The following TIMM44 variants were observed in gnomAD, a reference collection of about 807,000 sequenced individuals.
TIMM44 encodes the protein translocase of inner mitochondrial membrane 44, also known as mitochondrial import inner membrane translocase subunit TIM44.
TIMM44 carries 37 observed loss-of-function variants against 63.8 expected under a neutral mutation model. The ratio of observed to expected loss-of-function variants is 0.58; its 90% CI spans 0.45 to 0.76. TIMM44 has a LOEUF of 0.76. TIMM44 is among the 30% of genes least tolerant of loss of function. The pLI, the probability that TIMM44 is intolerant of heterozygous loss-of-function variation, is 0.00. For synonymous variants in TIMM44, 239 were observed against 245.1 expected, an observed-to-expected ratio of 0.98 and a Z score of 0.23; for missense variants, 573 against 603.8, an observed-to-expected ratio of 0.95 and a Z score of 0.54.
intron 12 of TIMM44, 31 bp downstream of exon 12, chr19:7,927,626 T>C (rs777309071): frequency 2.5e-6 from 4 of 1,591,190 alleles, no homozygotes; most frequent in Admixed American, 3.3e-5. Context: ...GGCGGTGTCA[T>C]GTGCCTGCCC....
At chr19:7,928,235 GC>G in intron 10 of TIMM44, 69 bp from the exon 11 acceptor site, 1 of 1,362,192 alleles carries the variant, frequency 7.3e-7, no homozygotes, top group Non-Finnish European at 1.0e-6. Context: ...CAGAGCTGCT[GC>G]CCACACACCC....
At chr19:7,930,323 TTTG>T (rs1983944336) in intron 10 of TIMM44, among the ~76,000 whole-genome samples, 1 of 146,096 alleles carries the variant, frequency 6.8e-6, no homozygotes. Context: ...TTTTTTTTTT[TTTG>T]GAGACAGAAT....
Position 7,933,458 on chromosome 19 carries a change from C to A in TIMM44, c.769+27G>T. ...CCACCAACTGCCCGGGACACAGTCA[C>A]CTGCCCTCCAAGACACCTTCACTCA... is the stretch of plus-strand genomic sequence containing the variant. On this transcript the variant is annotated intron_variant, in intron 7 of 12. Coordinates refer to ENST00000270538, the MANE Select transcript of TIMM44 (RefSeq NM_006351.4). This position sits in a 1 kb window ranked among gnomAD's most constrained non-coding sequence, Gnocchi z 4.3. 6.2e-7 allele frequency: 1 copy of A among 1,605,698 alleles called. No individual in the cohort carries two copies. Among genetic ancestry groups the A allele is most frequent in the Non-Finnish European group, 8.5e-7 (1 of 1,172,288 alleles).
rs762492405 is a variant in TIMM44 at position 7,927,658 on chromosome 19, G to A, written c.1238C>T (p.Pro413Leu). The A allele has an allele frequency of 6.8e-6, 11 of 1,612,976 alleles. No individual in the cohort carries two copies. The highest frequency in any genetic ancestry group is 5.0e-5 in the Admixed American group (3 of 59,998). Residue 413 changes from proline to leucine, a missense_variant and splice_region_variant, in exon 12 of 13, where the codon CCG (proline) becomes CTG (leucine). Coordinates refer to ENST00000270538, the MANE Select transcript of TIMM44 (RefSeq NM_006351.4). ...GCCCCATCCCACTCCCTCACTCACC[G>A]GGTCACCCTCCACCACCTCGCCTTT... ...NPKGEVVEGD[P>L]DKVLRMLYVW...
chr19:7,932,595 C>G, intron 9 of TIMM44, 32 bp downstream of exon 9: 1 of 1,610,712 alleles, frequency 6.2e-7, no homozygotes, highest in Non-Finnish European at 8.5e-7. Flanking sequence ...GGACCTGCCG[C>G]CTGGGAGGGG....
rs947818529 is a variant in TIMM44 at position 7,927,088 on chromosome 19, G to A, written c.*99C>T. Reference sequence around the variant, plus strand: ...CCTGGCAGAGCTGGGGGCAGAGCCCGCAGTCTTGTTCCCAGAGGTCTGGAG... The same window carrying A: ...CCTGGCAGAGCTGGGGGCAGAGCCCACAGTCTTGTTCCCAGAGGTCTGGAG... On this transcript the variant is annotated 3_prime_UTR_variant, in exon 13 of 13. Transcript: ENST00000270538. 8 of 1,490,336 alleles carry A rather than the reference G, an allele frequency of 5.4e-6. No individual in the cohort carries two copies. In the African/African-American group the frequency reaches 5.6e-5, roughly 10 times the overall value. The allele number at this position is 1,490,336 out of a possible 1,614,324, so 92.3% of individuals were successfully genotyped here.
intron 12 of TIMM44, 79 bp downstream of exon 12, chr19:7,927,578 G>C: frequency 1.4e-6 from 2 of 1,402,992 alleles, no homozygotes; most frequent in Middle Eastern, 1.8e-4. Flanking sequence ...TCTGAGCTGG[G>C]GTCTCTGCCA....
At chr19:7,927,808 G>A in intron 11 of TIMM44, 41 bp from the exon 12 acceptor site, 1 of 1,577,564 alleles carries the variant, frequency 6.3e-7, no homozygotes, top group Non-Finnish European at 8.7e-7. Flanking sequence ...TCAGAGGACA[G>A]CCCGGCTGCT....
Position 7,933,647 on chromosome 19 carries a change from G to T in TIMM44, c.684-77C>A. 7.2e-7 allele frequency: 1 copy of T among 1,394,582 alleles called. No homozygotes were observed. Among genetic ancestry groups the T allele is most frequent in the Non-Finnish European group, 1.0e-6 (1 of 981,624 alleles). 86.4% of individuals were successfully genotyped at this position (1,394,582 alleles called of 1,614,324 possible). A position where few individuals can be genotyped will look rare whatever the true frequency, so the allele number is the denominator to read the frequency against. The stretch of plus-strand genomic sequence containing the variant: ...TGCCCTCCTGCGGCTGCAGGCAGGG[G>T]GCAGTACAGGACAGCAGGCAGCTGA... On this transcript the variant is annotated intron_variant, in intron 6 of 12. Transcript: ENST00000270538. The surrounding 1 kb of genome is among the most constrained non-coding windows in gnomAD (Gnocchi z 4.3).
At chr19:7,937,456 C>T (rs912742990) in intron 3 of TIMM44, among the ~76,000 whole-genome samples, 1 of 152,178 alleles carries the variant, frequency 6.6e-6, no homozygotes, top group Non-Finnish European at 1.5e-5. Context: ...AGCCTCTGCA[C>T]TGCTCATCCA....
chr19:7,941,498 G>A (rs975630071), intron 1 of TIMM44, among the ~76,000 whole-genome samples: 3 of 151,930 alleles, frequency 2.0e-5, no homozygotes, highest in African/African-American at 7.3e-5. Flanking sequence ...ATGTTGGCCA[G>A]GCTGGTCTCG....
Position 7,927,650 on chromosome 19 carries a change from C to A in TIMM44, c.1239+7G>T, listed in dbSNP as rs1983851734. 6.2e-7 allele frequency: 1 copy of A among 1,612,736 alleles called. No individual in the cohort carries two copies. Among genetic ancestry groups the A allele is most frequent in the Non-Finnish European group, 8.5e-7 (1 of 1,179,638 alleles). ...ATGTGCCTGCCCCATCCCACTCCCT[C>A]ACTCACCGGGTCACCCTCCACCACC... On this transcript the variant is annotated splice_region_variant and intron_variant, in intron 12 of 12. Transcript: ENST00000270538.
At chr19:7,927,566 G>T in intron 12 of TIMM44, 91 bp downstream of exon 12, 2 of 1,336,854 alleles carry the variant, frequency 1.5e-6, no homozygotes, top group South Asian at 2.3e-5. Flanking sequence ...GAGCTTCAGG[G>T]CTCTGAGCTG....
Position 7,927,365 on chromosome 19 carries a change from G to C in TIMM44, c.1240-59C>G, listed in dbSNP as rs907651377. Reference sequence around the variant, plus strand: ...GGGTTGAGGTGACCCAGGCAGCTCTGGGGGGGGGCCAGGCTCTGTGGGGCA... The same window carrying C: ...GGGTTGAGGTGACCCAGGCAGCTCTCGGGGGGGGCCAGGCTCTGTGGGGCA... On this transcript the variant is annotated intron_variant, in intron 12 of 12. Coordinates refer to ENST00000270538, the MANE Select transcript of TIMM44 (RefSeq NM_006351.4). 34 of 844,356 alleles carry C rather than the reference G, an allele frequency of 4.0e-5. No individual in the cohort carries two copies. In the African/African-American group the frequency reaches 4.2e-4, roughly 10 times the overall value. 52.3% of individuals were successfully genotyped at this position (844,356 alleles called of 1,614,324 possible).
At chr19:7,927,953 A>T in intron 11 of TIMM44, 124 bp downstream of exon 11, 1 of 1,154,128 alleles carries the variant, frequency 8.7e-7, no homozygotes, top group South Asian at 1.3e-5. Context: ...CCCCTTGGAC[A>T]AGCCCAAGAC....
intron 12 of TIMM44, 67 bp from the exon 13 acceptor site, chr19:7,927,373 GC>G (rs1983844957): frequency 5.9e-6 from 9 of 1,529,270 alleles, no homozygotes; most frequent in Non-Finnish European, 4.5e-6. Flanking sequence ...CTGGGGGGGG[GC>G]CAGGCTCTGT....
intron 3 of TIMM44, among the ~76,000 whole-genome samples, chr19:7,936,078 TG>T (rs1431595643): frequency 1.3e-5 from 2 of 151,974 alleles, no homozygotes; most frequent in East Asian, 3.8e-4. Context: ...CACCTGAACA[TG>T]GGAAGGTCAA....
chr19:7,934,448 C>T lies in TIMM44; in HGVS notation c.394-210G>A, dbSNP rs1984084225. Among the ~76,000 whole-genome samples, 1 of 151,086 alleles carries T rather than the reference C, an allele frequency of 6.6e-6. No individual in the cohort carries two copies. Among genetic ancestry groups the T allele is most frequent in the Non-Finnish European group, 1.5e-5 (1 of 67,680 alleles). On this transcript the variant is annotated intron_variant, in intron 4 of 12. Transcript: ENST00000270538. The surrounding 1 kb of genome is among the most constrained non-coding windows in gnomAD (Gnocchi z 5.3). ...CACGAGCACACCGCCACCCCCAGAG[C>T]CACGAGCACACCGGCACCCCCAGAG...
intron 3 of TIMM44, among the ~76,000 whole-genome samples, chr19:7,935,851 G>C (rs1190958331): frequency 6.6e-6 from 1 of 152,168 alleles, no homozygotes; most frequent in Non-Finnish European, 1.5e-5. Flanking sequence ...TATGTCTTCA[G>C]ATGACCCCTG....
Sources: gnomAD v4.1 joint callset for allele counts (sites outside exome capture counted in the v4.1 genomes callset) on GRCh38, gnomAD v4.1.1 for gene constraint, Gnocchi (gnomAD v3.1) non-coding constraint, MANE v1.5 for transcripts, NCBI Gene and HGNC (gene_info 2026-07-23, HGNC 2026-07-21) for gene names.